Variants in ZNF616 observed in about 807,000 individuals in gnomAD.
The protein encoded by ZNF616 is zinc finger protein 616.
Under a neutral mutation model 7.6 loss-of-function variants are expected in ZNF616, and 5 were observed. The observed-to-expected ratio is 0.66, with a 90% CI of 0.34 to 1.38. ZNF616 has a LOEUF of 1.38. Among genes scored for constraint, ZNF616 ranks in the 40% most tolerant of loss-of-function variants. ZNF616 has a pLI of 0.04. For synonymous variants in ZNF616, 319 were observed against 317.2 expected, an observed-to-expected ratio of 1.01 and a Z score of -0.06; for missense variants, 913 against 948.3, an observed-to-expected ratio of 0.96 and a Z score of 0.49.
In ZNF616 at chr19:52,113,525, T is replaced by C. The variant is rs1462227366; in HGVS notation, c.*1293A>G. 6.6e-6 allele frequency: 1 copy of C among 152,222 alleles called. No homozygotes were observed. The highest frequency in any genetic ancestry group is 2.4e-5 in the African/African-American group (1 of 41,446). The allele number at this position is 152,222 out of a possible 1,614,324, so 9.4% of individuals were successfully genotyped here. A position where few individuals can be genotyped will look rare whatever the true frequency, so the allele number is the denominator to read the frequency against. ...TTGTTACATAGGAAAATGTGTGCCA[T>C]GGTGGTTTGCTGCATCTACCAACCC... On this transcript the variant is annotated 3_prime_UTR_variant, in exon 4 of 4. Coordinates refer to ENST00000600228, the MANE Select transcript of ZNF616 (RefSeq NM_178523.5).
At chr19:52,128,046 T>C (rs1022508070) in intron 2 of ZNF616, among the ~76,000 whole-genome samples, 2 of 152,058 alleles carry the variant, frequency 1.3e-5, no homozygotes, top group East Asian at 1.9e-4. Context: ...TTCCTCCAGG[T>C]TGGGTAACTG....
chr19:52,119,612 T>C (rs1175050627), intron 3 of ZNF616, among the ~76,000 whole-genome samples: 2 of 151,888 alleles, frequency 1.3e-5, no homozygotes, highest in African/African-American at 4.8e-5. Flanking sequence ...GGCAGCAGGG[T>C]TTGTGCTTGC....
At chr19:52,133,460 C>A (rs1185966743) in intron 1 of ZNF616, among the ~76,000 whole-genome samples, 2 of 152,048 alleles carry the variant, frequency 1.3e-5, no homozygotes, top group Non-Finnish European at 2.9e-5. Context: ...GGAGGTGCAG[C>A]CTGGTTCACA....
intron 1 of ZNF616, among the ~76,000 whole-genome samples, chr19:52,137,053 G>GTATATATATATATATATATA (rs35226169): frequency 5.5e-4 from 79 of 143,708 alleles, no homozygotes; most frequent in Middle Eastern, 3.7e-3. Context: ...TTATGTATGT[G>GTATATATATATATATATATA]TATATATATA....
Position 52,116,265 on chromosome 19 carries a change from T to C in ZNF616, c.899A>G (p.Asn300Ser). ...CTGACTAAAGGATTTCCCACACAGA[T>C]TACATTTGTAAGGTTTTTCACCGGT... ...IHTGEKPYKC[N>S]LCGKSFSQRV... The change falls in exon 4 of 4, where the codon AAT becomes AGT. Residue 300 changes from asparagine (N) to serine (S), a missense_variant. Transcript: ENST00000600228. 9 of 1,614,132 alleles carry C rather than the reference T, an allele frequency of 5.6e-6. No homozygotes were observed. The highest frequency in any genetic ancestry group is 7.6e-6 in the Non-Finnish European group (9 of 1,180,014).
intron 1 of ZNF616, among the ~76,000 whole-genome samples, chr19:52,135,004 G>C (rs1268161019): frequency 6.6e-6 from 1 of 152,132 alleles, no homozygotes; most frequent in African/African-American, 2.4e-5. Context: ...TGAAATCTTT[G>C]TGCTGCAGGT....
At chr19:52,133,079 G>A (rs987541053) in intron 1 of ZNF616, among the ~76,000 whole-genome samples, 19 of 152,342 alleles carry the variant, frequency 1.2e-4, no homozygotes, top group African/African-American at 4.3e-4. Flanking sequence ...GGTCACTGGT[G>A]ACTCTGAAAA....
In ZNF616 at chr19:52,115,752, C is replaced by T. The variant is rs1397373181; in HGVS notation, c.1412G>A (p.Gly471Asp). 1.2e-6 allele frequency: 2 copies of T among 1,614,026 alleles called. No individual in the cohort carries two copies. The highest frequency in any genetic ancestry group is 1.7e-5 in the Admixed American group (1 of 59,998). The change falls in exon 4 of 4, where the codon GGC becomes GAC. Residue 471 changes from glycine (G) to aspartate (D), a missense_variant. Coordinates refer to ENST00000600228, the MANE Select transcript of ZNF616 (RefSeq NM_178523.5). ...GEKAYKCNEC[G>D]KVFSIHSRLA... ...TCGTGAATGTATGCTGAAAACTTTG[C>T]CACATTCATTGCATTTATAAGCTTT...
intron 1 of ZNF616, among the ~76,000 whole-genome samples, chr19:52,131,264 CAAAAAAAAAAAAAA>C (rs61359785): frequency 5.0e-5 from 2 of 39,768 alleles, no homozygotes; most frequent in East Asian, 7.3e-4. Context: ...ACTCTGTCAC[CAAAAAAAAAAAAAA>C]AAAAAAAAAA....
intron 1 of ZNF616, among the ~76,000 whole-genome samples, chr19:52,132,525 G>T (rs1008465142): frequency 6.6e-6 from 1 of 152,162 alleles, no homozygotes; most frequent in South Asian, 2.1e-4. Context: ...GTGGATTTGT[G>T]ATGAATGGTT....
At position 52,116,362 on chromosome 19, in the gene ZNF616, G is replaced by C; in HGVS notation, c.802C>G (p.Pro268Ala). The change falls in exon 4 of 4, where the codon CCC becomes GCC. Residue 268 changes from proline to alanine, a missense_variant. Pro to Ala is a conservative substitution (Grantham distance 27). Coordinates refer to ENST00000600228, the MANE Select transcript of ZNF616 (RefSeq NM_178523.5). ...RHQRSHTGQK[P>A]YICNECGKSF... ...TTGCCACATTCATTACATATGTAGG[G>C]TTTCTGTCCAGTGTGACTCCTTTGG... 1 of 1,614,078 alleles carries C rather than the reference G, an allele frequency of 6.2e-7. No homozygotes were observed. Among genetic ancestry groups the C allele is most frequent in the Non-Finnish European group, 8.5e-7 (1 of 1,180,018 alleles).
intron 1 of ZNF616, among the ~76,000 whole-genome samples, chr19:52,132,617 C>G (rs533021757): frequency 6.6e-6 from 1 of 152,112 alleles, no homozygotes; most frequent in African/African-American, 2.4e-5. Context: ...GCGCCTCCCC[C>G]CTCACTCTCT....
At chr19:52,136,129 C>CA (rs796547921) in intron 1 of ZNF616, among the ~76,000 whole-genome samples, 1,123 of 24,280 alleles carry the variant, frequency 0.046, 21 homozygotes, top group African/African-American at 0.14. Context: ...GACTTTGTCT[C>CA]AAAAAAAAAA....
chr19:52,133,557 C>T (rs1174228777), intron 1 of ZNF616, among the ~76,000 whole-genome samples: 4 of 152,108 alleles, frequency 2.6e-5, no homozygotes, highest in East Asian at 1.9e-4. Context: ...CTCGCTCTGT[C>T]GCCTAGGCTG....
chr19:52,131,365 G>C (rs918217520), intron 1 of ZNF616, among the ~76,000 whole-genome samples: 2 of 151,990 alleles, frequency 1.3e-5, no homozygotes, highest in African/African-American at 2.4e-5. Flanking sequence ...CTATAAGGGG[G>C]AATGAACCAT....
rs1348606469 is a variant in ZNF616, at chr19:52,114,244, T to C, written c.*574A>G. ...TCTTGCCACACGTATTACACTTCTGTGATTTTTCTCCAGGATGTATACATC... is the reference window on the plus strand; with the variant it reads ...TCTTGCCACACGTATTACACTTCTGCGATTTTTCTCCAGGATGTATACATC... On this transcript the variant is annotated 3_prime_UTR_variant, in exon 4 of 4. Transcript: ENST00000600228. The C allele has an allele frequency of 6.6e-6, 1 of 152,134 alleles. No homozygotes were observed. The allele number at this position is 152,134 out of a possible 1,614,324, so 9.4% of individuals were successfully genotyped here. A position where few individuals can be genotyped will look rare whatever the true frequency, so the allele number is the denominator to read the frequency against.
In ZNF616 at chr19:52,124,054, A is replaced by G. The variant is rs748451575; in HGVS notation, c.13-5T>C. On this transcript the variant is annotated splice_polypyrimidine_tract_variant and splice_region_variant and intron_variant, in intron 2 of 3. Transcript: ENST00000600228. ...ATCCTTGAATGTCAAATGCCCCTGA[A>G]ATGAAAAACACATTTCAAAAAGAAG... The G allele has an allele frequency of 3.1e-6, 5 of 1,592,732 alleles. No individual in the cohort carries two copies. The East Asian group carries it at 1.1e-4, about 36-fold the overall frequency.
rs189047946 is a variant in ZNF616, at chr19:52,131,247, G to C, written c.-76-659C>G. 2.9e-3 allele frequency among the ~76,000 whole-genome samples: 350 copies of C among 121,270 alleles called. 3 individuals carry two copies. Among genetic ancestry groups the C allele is most frequent in the African/African-American group, 0.011 (328 of 30,448 alleles). The allele number at this position is 121,270 out of a possible 152,430, so 79.6% of individuals were successfully genotyped here. On this transcript the variant is annotated intron_variant, in intron 1 of 3. Coordinates refer to ENST00000600228, the MANE Select transcript of ZNF616 (RefSeq NM_178523.5). ...CAAGCCACTGCACTCCAGCCTGGGC[G>C]ACAGAGACTCTGTCACCAAAAAAAA... is the stretch of plus-strand genomic sequence containing the variant.
At chr19:52,129,210 CAG>C (rs768462943) in intron 2 of ZNF616, among the ~76,000 whole-genome samples, 1 of 152,084 alleles carries the variant, frequency 6.6e-6, no homozygotes, top group African/African-American at 2.4e-5. Flanking sequence ...ACCCGGGAGA[CAG>C]AGGTTGCAGT....
Sources: allele counts gnomAD v4.1 joint callset (sites outside exome capture counted in the v4.1 genomes callset), GRCh38; gene constraint gnomAD v4.1.1; transcripts MANE v1.5; gene names NCBI Gene and HGNC (gene_info 2026-07-23, HGNC 2026-07-21).